KLF12: variants seen among roughly 807,000 people sequenced by gnomAD.
The protein encoded by KLF12 is KLF transcription factor 12.
In KLF12, 9 loss-of-function variants were observed where a neutral mutation model predicts 37.8. The observed-to-expected ratio is 0.24, with a 90% CI of 0.14 to 0.42. The LOEUF (loss-of-function observed/expected upper bound fraction) is 0.42. Among genes scored for constraint, KLF12 ranks in the 10% least tolerant of loss-of-function variants. The pLI is 1.00. For synonymous variants in KLF12, 208 were observed against 202.1 expected (o/e 1.03, Z -0.25); for missense variants, 411 against 516.0 (o/e 0.80, Z 1.97).
intron 1 of KLF12, among the ~76,000 whole-genome samples, chr13:74,001,101 C>G (rs1029957102): frequency 6.6e-6 from 1 of 152,196 alleles, no homozygotes; most frequent in Non-Finnish European, 1.5e-5. Context: ...GTACTGCATT[C>G]TGCCAAAAGT....
chr13:74,074,160 G>A (rs1874433323), intron 1 of KLF12, among the ~76,000 whole-genome samples: 1 of 151,782 alleles, frequency 6.6e-6, no homozygotes, highest in South Asian at 2.1e-4. Context: ...GAGAGAGAGA[G>A]TGTGTGTGTG....
At chr13:74,266,568 C>T in the KLF12 span, among the ~76,000 whole-genome samples, 1,695 of 152,260 alleles carry the variant, frequency 0.011, 11 homozygotes, top group Admixed American at 0.024. Flanking sequence ...CTGGTATCAT[C>T]CTGCTACGCT....
rs562621314 is a variant in KLF12 at position 73,761,209 on chromosome 13, T to C, written c.869+3729A>G. Among the ~76,000 whole-genome samples, 18 of 152,240 alleles carry C rather than the reference T, an allele frequency of 1.2e-4. No individual in the cohort carries two copies. In the East Asian group the frequency reaches 1.4e-3, roughly 11 times the overall value. ...CACATTTGGCTCAAATGCAGAAAAATAGATTTTTTCTGGCATTACTGTATG... is the reference window on the plus strand; with the variant it reads ...CACATTTGGCTCAAATGCAGAAAAACAGATTTTTTCTGGCATTACTGTATG... On this transcript the variant is annotated intron_variant, in intron 6 of 7. Coordinates refer to ENST00000377669, the MANE Select transcript of KLF12 (RefSeq NM_007249.5).
At chr13:74,243,996 T>C in the KLF12 span, among the ~76,000 whole-genome samples, 1 of 152,232 alleles carries the variant, frequency 6.6e-6, no homozygotes, top group African/African-American at 2.4e-5. Context: ...TGAATTTGCT[T>C]GCTTTTACTA....
At chr13:74,090,718 G>A (rs1412602432) in intron 1 of KLF12, among the ~76,000 whole-genome samples, 1 of 151,896 alleles carries the variant, frequency 6.6e-6, no homozygotes, top group East Asian at 1.9e-4. Context: ...GTTGAGTTTT[G>A]AGAGTTCCTT....
At chr13:73,982,744 C>A (rs1891719677) in intron 2 of KLF12, among the ~76,000 whole-genome samples, 2 of 152,130 alleles carry the variant, frequency 1.3e-5, no homozygotes, top group African/African-American at 4.8e-5. Context: ...TGGAGAGTAA[C>A]TGCTTAGGAA....
the KLF12 span, among the ~76,000 whole-genome samples, chr13:74,162,748 C>T: frequency 6.6e-6 from 1 of 152,138 alleles, no homozygotes; most frequent in Non-Finnish European, 1.5e-5. Flanking sequence ...GGTTAAAGTG[C>T]CCAGCCCAGG....
At chr13:73,900,052 A>G (rs1887969832) in intron 3 of KLF12, among the ~76,000 whole-genome samples, 2 of 152,212 alleles carry the variant, frequency 1.3e-5, no homozygotes, top group Admixed American at 1.3e-4. Flanking sequence ...AGTCACTAGT[A>G]AGTTATAGGA....
intron 3 of KLF12, among the ~76,000 whole-genome samples, chr13:73,924,995 G>A (rs1204107383): frequency 6.6e-6 from 1 of 152,134 alleles, no homozygotes; most frequent in East Asian, 1.9e-4. Context: ...AGATGATAAG[G>A]CTACTGAAGA....
At chr13:73,966,879 A>G (rs1178453367) in intron 2 of KLF12, among the ~76,000 whole-genome samples, 1 of 152,226 alleles carries the variant, frequency 6.6e-6, no homozygotes, top group African/African-American at 2.4e-5. Flanking sequence ...AAGAAAAATT[A>G]TAACTAATTT....
At chr13:74,088,921 A>G (rs1875482852) in intron 1 of KLF12, among the ~76,000 whole-genome samples, 1 of 152,134 alleles carries the variant, frequency 6.6e-6, no homozygotes, top group Non-Finnish European at 1.5e-5. Context: ...AGACAATAAG[A>G]TTTAATTTTC....
intron 6 of KLF12, among the ~76,000 whole-genome samples, chr13:73,742,668 T>C (rs902362823): frequency 6.6e-6 from 1 of 152,182 alleles, no homozygotes; most frequent in Non-Finnish European, 1.5e-5. Context: ...GGTGGTGGCA[T>C]TATCATCCCC....
At chr13:74,089,880 A>T (rs987569107) in intron 1 of KLF12, among the ~76,000 whole-genome samples, 1 of 151,346 alleles carries the variant, frequency 6.6e-6, no homozygotes, top group Non-Finnish European at 1.5e-5. Flanking sequence ...CCCTAAGATG[A>T]GGAATAAAAT....
the KLF12 span, among the ~76,000 whole-genome samples, chr13:74,156,469 T>C: frequency 2.0e-5 from 3 of 152,212 alleles, no homozygotes; most frequent in Non-Finnish European, 4.4e-5. Flanking sequence ...GCATTTATCC[T>C]TTGAGTTACA....
intron 3 of KLF12, among the ~76,000 whole-genome samples, chr13:73,882,805 C>T (rs1887042706): frequency 6.6e-6 from 1 of 152,106 alleles, no homozygotes; most frequent in African/African-American, 2.4e-5. Context: ...ATGTATTGTA[C>T]ACCAACAGAA....
intron 1 of KLF12, among the ~76,000 whole-genome samples, chr13:74,128,960 T>C (rs977120561): frequency 6.6e-6 from 1 of 152,114 alleles, no homozygotes; most frequent in Admixed American, 6.6e-5. Flanking sequence ...CAAAAACACA[T>C]GTAAAAACAT....
At chr13:73,938,266 A>G (rs544352057) in intron 3 of KLF12, among the ~76,000 whole-genome samples, 1 of 152,342 alleles carries the variant, frequency 6.6e-6, no homozygotes, top group East Asian at 1.9e-4. Context: ...GTGTAAAATT[A>G]AATAGGTTTA....
chr13:73,865,861 T>TG (rs1886149068), intron 3 of KLF12, among the ~76,000 whole-genome samples: 1 of 152,110 alleles, frequency 6.6e-6, no homozygotes, highest in Non-Finnish European at 1.5e-5. Context: ...ACCTGACACT[T>TG]GTGTTTGACA....
chr13:73,783,972 C>T (rs947973675), intron 5 of KLF12, among the ~76,000 whole-genome samples: 10 of 152,120 alleles, frequency 6.6e-5, no homozygotes, highest in African/African-American at 1.9e-4. Flanking sequence ...GTCCACAGAA[C>T]GCTGCTCAAT....
Sources: gnomAD v4.1 joint callset for allele counts (sites outside exome capture counted in the v4.1 genomes callset) on GRCh38, gnomAD v4.1.1 for gene constraint, MANE v1.5 for transcripts, NCBI Gene and HGNC (gene_info 2026-07-23, HGNC 2026-07-21) for gene names.